Variants in ZNF532 observed in about 807,000 individuals in gnomAD.
ZNF532 encodes the protein zinc finger protein 532.
ZNF532 carries 22 observed loss-of-function variants against 89.3 expected under a neutral mutation model. The ratio of observed to expected loss-of-function variants is 0.25; its 90% confidence interval spans 0.18 to 0.35. The LOEUF (loss-of-function observed/expected upper bound fraction) is 0.35, where lower values mean the gene tolerates loss of function less well. Ranked by LOEUF, ZNF532 falls within the 10% of genes least tolerant of loss-of-function variation. ZNF532 has a pLI of 1.00. For missense variants in ZNF532, 1,132 were observed against 1,643.4 expected, an observed-to-expected ratio of 0.69 and a Z score of 5.38; for synonymous variants, 606 against 649.6, an observed-to-expected ratio of 0.93 and a Z score of 1.02.
At chr18:58,915,812 C>A (rs955891800) in intron 2 of ZNF532, among the ~76,000 whole-genome samples, 1 of 152,212 alleles carries the variant, frequency 6.6e-6, no homozygotes, top group Admixed American at 6.5e-5. Flanking sequence ...GGGCCTCCCA[C>A]CCACTGAGTA....
intron 8 of ZNF532, 50 bp from the exon 9 acceptor site, chr18:58,981,420 G>C: frequency 6.3e-7 from 1 of 1,589,984 alleles, no homozygotes; most frequent in Non-Finnish European, 8.5e-7. Flanking sequence ...TCTTCCACAG[G>C]AGCTTATTTT....
intron 3 of ZNF532, 142 bp downstream of exon 3, chr18:58,920,775 TG>T: frequency 1.5e-6 from 1 of 647,684 alleles, no homozygotes; most frequent in Admixed American, 3.0e-5. Flanking sequence ...TGTGTGTGTG[TG>T]TGTGTGTGTG....
At chr18:58,978,657 G>A (rs1036804918) in intron 7 of ZNF532, among the ~76,000 whole-genome samples, 4 of 152,060 alleles carry the variant, frequency 2.6e-5, no homozygotes, top group Admixed American at 6.5e-5. Context: ...TTTTGTTACT[G>A]TATTCCTAAA....
chr18:58,890,282 A>G (rs1045143601), intron 2 of ZNF532, among the ~76,000 whole-genome samples: 3 of 151,748 alleles, frequency 2.0e-5, no homozygotes, highest in African/African-American at 2.4e-5. Flanking sequence ...ACATATATAT[A>G]TATACACGTA....
intron 2 of ZNF532, among the ~76,000 whole-genome samples, chr18:58,897,134 G>A (rs1165736605): frequency 1.3e-5 from 2 of 151,954 alleles, no homozygotes; most frequent in Non-Finnish European, 1.5e-5. Context: ...TAGCAGGGGT[G>A]GGGGGGATTG....
intron 2 of ZNF532, among the ~76,000 whole-genome samples, chr18:58,881,344 C>T (rs2057909355): frequency 6.6e-6 from 1 of 152,110 alleles, no homozygotes; most frequent in African/African-American, 2.4e-5. Flanking sequence ...CCATGTTGGC[C>T]AGGCTGGTCT....
At chr18:58,866,388 A>G (rs1371102912) in intron 2 of ZNF532, among the ~76,000 whole-genome samples, 1 of 152,224 alleles carries the variant, frequency 6.6e-6, no homozygotes, top group Non-Finnish European at 1.5e-5. Flanking sequence ...ACAAAGGCTG[A>G]GGGGGCTTGC....
chr18:58,889,925 TA>T (rs951567039), intron 2 of ZNF532, among the ~76,000 whole-genome samples: 1 of 151,174 alleles, frequency 6.6e-6, no homozygotes, highest in Non-Finnish European at 1.5e-5. Flanking sequence ...CTACTAAAAA[TA>T]AAAAATTAGC....
chr18:58,949,674 T>A (rs979173842), intron 6 of ZNF532, among the ~76,000 whole-genome samples: 4 of 152,170 alleles, frequency 2.6e-5, no homozygotes, highest in African/African-American at 7.2e-5. Flanking sequence ...AGACTCCGTC[T>A]CAGAAACAAA....
chr18:58,874,371 T>C (rs1313147069), intron 2 of ZNF532, among the ~76,000 whole-genome samples: 1 of 152,170 alleles, frequency 6.6e-6, no homozygotes, highest in Admixed American at 6.5e-5. Flanking sequence ...TGAGAGATAG[T>C]TTTGCTCTTG....
At chr18:58,870,069 G>C (rs970692348) in intron 2 of ZNF532, among the ~76,000 whole-genome samples, 2 of 134,214 alleles carry the variant, frequency 1.5e-5, no homozygotes, top group Admixed American at 7.9e-5. Context: ...CCCAGCCCAG[G>C]TTGTTTTTTT....
chr18:58,891,417 C>A (rs947145634), intron 2 of ZNF532, among the ~76,000 whole-genome samples: 1 of 152,200 alleles, frequency 6.6e-6, no homozygotes, highest in African/African-American at 2.4e-5. Flanking sequence ...GTCATCCCAG[C>A]TACTTGGGTG....
intron 2 of ZNF532, among the ~76,000 whole-genome samples, chr18:58,888,696 A>T (rs1463941999): frequency 1.0e-4 from 6 of 57,566 alleles, no homozygotes; most frequent in Non-Finnish European, 1.3e-4. Flanking sequence ...CAAAAAAAAA[A>T]TTATATATAT....
At chr18:58,975,034 C>A (rs1012507314) in intron 7 of ZNF532, among the ~76,000 whole-genome samples, 1 of 152,178 alleles carries the variant, frequency 6.6e-6, no homozygotes, top group Non-Finnish European at 1.5e-5. Context: ...TGCATTACAG[C>A]AGAAACGGGC....
At chr18:58,897,316 A>G (rs1423024031) in intron 2 of ZNF532, among the ~76,000 whole-genome samples, 1 of 152,110 alleles carries the variant, frequency 6.6e-6, no homozygotes, top group Non-Finnish European at 1.5e-5. Context: ...TTTAACTTGG[A>G]CTGAGCAAGG....
intron 2 of ZNF532, among the ~76,000 whole-genome samples, chr18:58,911,035 C>T (rs555003508): frequency 4.6e-5 from 7 of 152,286 alleles, no homozygotes; most frequent in South Asian, 2.1e-4. Context: ...TGAGCTACCA[C>T]GCCCAGCCCT....
chr18:58,957,155 A>G (rs928591760), intron 7 of ZNF532, among the ~76,000 whole-genome samples: 1 of 152,140 alleles, frequency 6.6e-6, no homozygotes, highest in African/African-American at 2.4e-5. Flanking sequence ...AGTATTCTCT[A>G]ATTCCTATGG....
intron 2 of ZNF532, among the ~76,000 whole-genome samples, chr18:58,876,098 A>AT (rs972485636): frequency 1.3e-5 from 2 of 151,072 alleles, no homozygotes; most frequent in Middle Eastern, 3.4e-3. Context: ...ATGCCCGGCT[A>AT]TTTTTTTTGT....
intron 7 of ZNF532, among the ~76,000 whole-genome samples, chr18:58,959,787 T>C (rs182835503): frequency 1.3e-5 from 2 of 152,334 alleles, no homozygotes; most frequent in Non-Finnish European, 2.9e-5. Flanking sequence ...TGTAGCACAA[T>C]ACATAATAGA....
Sources: gnomAD v4.1 joint callset for allele counts (sites outside exome capture counted in the v4.1 genomes callset) on GRCh38, gnomAD v4.1.1 for gene constraint, MANE v1.5 for transcripts, NCBI Gene and HGNC (gene_info 2026-07-23, HGNC 2026-07-21) for gene names.